The following RHOBTB3 variants were observed in gnomAD, a reference collection of about 807,000 sequenced individuals.
The protein encoded by RHOBTB3 is Rho related BTB domain containing 3, also known as rho-related BTB domain-containing protein 3.
A neutral mutation model predicts 67.2 loss-of-function variants in RHOBTB3; 47 were observed. The observed-to-expected ratio is 0.70, with a 90% confidence interval of 0.55 to 0.89. The LOEUF (loss-of-function observed/expected upper bound fraction) is 0.89, where lower values mean the gene tolerates loss of function less well. RHOBTB3 is among the 40% of genes least tolerant of loss of function. The pLI, the probability that RHOBTB3 is intolerant of heterozygous loss-of-function variation, is 0.00. For missense variants in RHOBTB3, 631 were observed against 750.0 expected (o/e 0.84, Z 1.85); for synonymous variants, 273 against 274.2 (o/e 1.00, Z 0.04).
chr5:95,768,150 T>C lies in RHOBTB3; in HGVS notation c.1266T>C (p.Val422=). The stretch of plus-strand genomic sequence containing the variant: ...TTAATAAGCCGATGCTTGCCGATGT[T>C]GTCTTCGAAATTCAAGGTACGGATC... ...FFLNKPMLAD[V]VFEIQGTTVP... Residue 422 remains valine, a synonymous_variant, in exon 8 of 12, where the codon GTT becomes GTC. Transcript: ENST00000379982. The C allele has an allele frequency of 1.2e-6, 2 of 1,612,460 alleles. No homozygotes were observed. Among genetic ancestry groups the C allele is most frequent in the East Asian group, 2.2e-5 (1 of 44,868 alleles).
chr5:95,737,216 A>T (rs143245429), intron 3 of RHOBTB3, 141 bp downstream of exon 3: 59 of 575,186 alleles, frequency 1.0e-4, no homozygotes, highest in Non-Finnish European at 1.5e-4. Context: ...CTATCGCTTC[A>T]TCATTTGATA....
In RHOBTB3 at chr5:95,796,329, CT is replaced by C; in HGVS notation, c.*3160del. The stretch of plus-strand genomic sequence containing the variant: ...ATATGTTTTTAGCTTTAGTATTTAA[CT>C]TTTTGTAACAAATAAACCTTTTTTA... On this transcript the variant is annotated 3_prime_UTR_variant, in exon 12 of 12. Transcript: ENST00000379982. 6.6e-6 allele frequency: 1 copy of C among 152,280 alleles called. No homozygotes were observed. Among genetic ancestry groups the C allele is most frequent in the Non-Finnish European group, 1.5e-5 (1 of 68,004 alleles). 9.4% of individuals were successfully genotyped at this position (152,280 alleles called of 1,614,324 possible).
rs1165112243 is a variant in RHOBTB3 at position 95,753,509 on chromosome 5, G to A, written c.682+1159G>A. 5.3e-5 allele frequency among the ~76,000 whole-genome samples: 8 copies of A among 152,232 alleles called. No individual in the cohort carries two copies. In the South Asian group the frequency reaches 1.7e-3, roughly 32 times the overall value. On this transcript the variant is annotated intron_variant, in intron 5 of 11. Coordinates refer to ENST00000379982, the MANE Select transcript of RHOBTB3 (RefSeq NM_014899.4). Reference sequence around the variant, plus strand: ...AATAGAAATAGTAGGATAGCACTTTGTTGGATCAATGTCCTTTGGAATTTA... The same window carrying A: ...AATAGAAATAGTAGGATAGCACTTTATTGGATCAATGTCCTTTGGAATTTA...
chr5:95,782,437 CAT>C (rs1340908436), intron 9 of RHOBTB3: 1 of 152,188 alleles, frequency 6.6e-6, no homozygotes, highest in East Asian at 1.9e-4. Flanking sequence ...GAAGAAGAAA[CAT>C]GTTCTGGAGA....
intron 2 of RHOBTB3, among the ~76,000 whole-genome samples, chr5:95,734,355 C>T (rs1450980798): frequency 6.6e-6 from 1 of 151,932 alleles, no homozygotes; most frequent in Non-Finnish European, 1.5e-5. Flanking sequence ...TGTTGCATAA[C>T]CCCGAGAGGA....
chr5:95,755,284 T>C (rs1158167502), intron 5 of RHOBTB3, 112 bp from the exon 6 acceptor site: 4 of 811,664 alleles, frequency 4.9e-6, no homozygotes, highest in African/African-American at 1.8e-5. Flanking sequence ...TCTTATGCTT[T>C]AACCTAATAA....
At chr5:95,783,599 G>T in intron 9 of RHOBTB3, 198 bp from the exon 10 acceptor site, 1 of 288,860 alleles carries the variant, frequency 3.5e-6, no homozygotes, top group Non-Finnish European at 6.3e-6. Context: ...GAAGAAGAAA[G>T]GAAAGAAAAA....
In RHOBTB3 at chr5:95,755,775, T is replaced by C; in HGVS notation, c.1048+14T>C. ...TCATTTATTCAGGTATCTTGTCAAG[T>C]GGTTCTGGTTACTTACAATCTCATA... is the stretch of plus-strand genomic sequence containing the variant. On this transcript the variant is annotated intron_variant, in intron 6 of 11. Transcript: ENST00000379982. 6.2e-7 allele frequency: 1 copy of C among 1,611,788 alleles called. No individual in the cohort carries two copies. Among genetic ancestry groups the C allele is most frequent in the South Asian group, 1.1e-5 (1 of 90,982 alleles).
At chr5:95,729,669 C>G (rs543206939), upstream of RHOBTB3, among the ~76,000 whole-genome samples, 1 of 152,088 alleles carries the variant, frequency 6.6e-6, no homozygotes, top group Non-Finnish European at 1.5e-5. Context: ...TGTTGAACAA[C>G]GCCCCCTTTT....
intron 6 of RHOBTB3, among the ~76,000 whole-genome samples, chr5:95,760,098 G>A (rs1745355537): frequency 6.6e-6 from 1 of 152,154 alleles, no homozygotes; most frequent in South Asian, 2.1e-4. Flanking sequence ...TTTAACAACA[G>A]TCCGGTTAAC....
At chr5:95,741,502 CTTTTTTTTTTCTTTCTTTCTG>C (rs1755596720) in intron 3 of RHOBTB3, among the ~76,000 whole-genome samples, 2 of 125,206 alleles carry the variant, frequency 1.6e-5, no homozygotes, top group African/African-American at 6.0e-5. Flanking sequence ...TCTCAATTCT[CTTTTTTTTTTCTTTCTTTCTG>C]TTTTTTTTTT....
At chr5:95,739,527 G>C (rs541298746) in intron 3 of RHOBTB3, among the ~76,000 whole-genome samples, 1 of 152,178 alleles carries the variant, frequency 6.6e-6, no homozygotes, top group Non-Finnish European at 1.5e-5. Flanking sequence ...CTAAAAAGTT[G>C]TCAAATACTA....
At chr5:95,737,534 T>A (rs1454858257) in intron 3 of RHOBTB3, among the ~76,000 whole-genome samples, 1 of 152,210 alleles carries the variant, frequency 6.6e-6, no homozygotes, top group African/African-American at 2.4e-5. Flanking sequence ...GATTGCTTAT[T>A]CCATGGCTGA....
chr5:95,773,450 G>T (rs900711377), intron 8 of RHOBTB3, among the ~76,000 whole-genome samples: 1 of 151,682 alleles, frequency 6.6e-6, no homozygotes, highest in Admixed American at 6.6e-5. Context: ...CCTGAGAGTT[G>T]GGGAGGGGAG....
intron 9 of RHOBTB3, chr5:95,782,791 CAG>C (rs1746092071): frequency 8.1e-6 from 1 of 123,446 alleles, no homozygotes; most frequent in Admixed American, 1.1e-4. Flanking sequence ...GCCTGGACGA[CAG>C]AGTGAGACTC....
At chr5:95,729,980 T>C (rs1346935293), upstream of RHOBTB3, among the ~76,000 whole-genome samples, 1 of 152,172 alleles carries the variant, frequency 6.6e-6, no homozygotes, top group Non-Finnish European at 1.5e-5. Flanking sequence ...ATATTTTCTA[T>C]TAACCCAAGA....
rs149836276 is a variant in RHOBTB3 at position 95,745,699 on chromosome 5, A to G, written c.416-2634A>G. 5.7e-4 allele frequency among the ~76,000 whole-genome samples: 87 copies of G among 152,348 alleles called. 2 individuals carry two copies. Among genetic ancestry groups the G allele is most frequent in the African/African-American group, 2.0e-3 (82 of 41,578 alleles). On this transcript the variant is annotated intron_variant, in intron 3 of 11. Transcript: ENST00000379982. ...ATAACATCTTAAGCATATAAGGGAAAAAAAGACTATAATGTTAGCTAGAAG... is the reference window on the plus strand; with the variant it reads ...ATAACATCTTAAGCATATAAGGGAAGAAAAGACTATAATGTTAGCTAGAAG...
chr5:95,782,584 G>A (rs971372436), intron 9 of RHOBTB3: 1 of 152,130 alleles, frequency 6.6e-6, no homozygotes, highest in African/African-American at 2.4e-5. Context: ...CGAGGCAGGT[G>A]GATCACAAGG....
At position 95,755,726 on chromosome 5, in the gene RHOBTB3, CTTGT is replaced by C. The variant is rs1745225481; in HGVS notation, c.1016_1019del (p.Cys339TyrfsTer26). On this transcript the variant is annotated frameshift_variant, in exon 6 of 12. Coordinates refer to ENST00000379982, the MANE Select transcript of RHOBTB3 (RefSeq NM_014899.4). LOFTEE classifies it high-confidence loss of function. ...ATTGTTAAAGACGCCCTCTTCTGTT[CTTGT>C]TTATCAGACATCCTTCGCTTCATTT... is the stretch of plus-strand genomic sequence containing the variant. 6.2e-7 allele frequency: 1 copy of C among 1,613,824 alleles called. No individual in the cohort carries two copies. Among genetic ancestry groups the C allele is most frequent in the Non-Finnish European group, 8.5e-7 (1 of 1,179,984 alleles).
Sources: gnomAD v4.1 joint callset for allele counts (sites outside exome capture counted in the v4.1 genomes callset) on GRCh38, gnomAD v4.1.1 for gene constraint, MANE v1.5 for transcripts, NCBI Gene and HGNC (gene_info 2026-07-23, HGNC 2026-07-21) for gene names.